The following TRIP4 variants were observed in gnomAD, a reference collection of about 807,000 sequenced individuals.
TRIP4 encodes the protein activating signal cointegrator 1.
TRIP4 carries 54 observed loss-of-function variants against 81.8 expected under a neutral mutation model. The ratio of observed to expected loss-of-function variants is 0.66; its 90% CI spans 0.53 to 0.83. The LOEUF is 0.83. TRIP4 is among the 40% of genes least tolerant of loss of function. The pLI, the probability that TRIP4 is intolerant of heterozygous loss-of-function variation, is 0.00. For synonymous variants in TRIP4, 270 were observed against 242.8 expected, an observed-to-expected ratio of 1.11 and a Z score of -1.04; for missense variants, 662 against 683.6, an observed-to-expected ratio of 0.97 and a Z score of 0.35.
At chr15:64,419,962 C>T (rs1891973751) in intron 9 of TRIP4, among the ~76,000 whole-genome samples, 1 of 150,684 alleles carries the variant, frequency 6.6e-6, no homozygotes, top group Non-Finnish European at 1.5e-5. Flanking sequence ...ATCACAGGCG[C>T]CCGCCACCAC....
chr15:64,435,403 G>A (rs985319912), intron 11 of TRIP4, among the ~76,000 whole-genome samples: 2 of 151,132 alleles, frequency 1.3e-5, no homozygotes, highest in African/African-American at 4.9e-5. Flanking sequence ...GCATGTGCCT[G>A]TAATCCCAGC....
intron 7 of TRIP4, 123 bp downstream of exon 7, chr15:64,409,951 C>A: frequency 1.1e-5 from 9 of 824,366 alleles, no homozygotes; most frequent in Non-Finnish European, 1.3e-5. Context: ...GAACAGAAAA[C>A]ATGTTAAGAA....
intron 5 of TRIP4, among the ~76,000 whole-genome samples, chr15:64,403,744 G>A (rs1481961369): frequency 6.6e-6 from 1 of 151,974 alleles, no homozygotes; most frequent in African/African-American, 2.4e-5. Context: ...CTGGATATTT[G>A]TTTCCAAATT....
intron 5 of TRIP4, among the ~76,000 whole-genome samples, chr15:64,405,714 G>A (rs1409973188): frequency 6.6e-6 from 1 of 151,912 alleles, no homozygotes; most frequent in African/African-American, 2.4e-5. Context: ...CGTATATTTA[G>A]GCTGGCATAG....
chr15:64,436,364 C>T (rs570490550), intron 11 of TRIP4, among the ~76,000 whole-genome samples: 10 of 151,350 alleles, frequency 6.6e-5, no homozygotes, highest in African/African-American at 1.7e-4. Flanking sequence ...GAGGCCGAGG[C>T]GGGCAGATCA....
intron 9 of TRIP4, among the ~76,000 whole-genome samples, chr15:64,421,314 G>A (rs1460407827): frequency 1.3e-5 from 2 of 150,024 alleles, no homozygotes; most frequent in Non-Finnish European, 1.5e-5. Flanking sequence ...ATATTTTTAC[G>A]CTACCTTTTA....
chr15:64,434,719 C>A (rs1882713489), intron 11 of TRIP4, among the ~76,000 whole-genome samples: 1 of 152,110 alleles, frequency 6.6e-6, no homozygotes, highest in Non-Finnish European at 1.5e-5. Context: ...AACAATGATG[C>A]AAGGGGCTTT....
chr15:64,412,724 T>G (rs1231084008), intron 7 of TRIP4, among the ~76,000 whole-genome samples: 1 of 152,182 alleles, frequency 6.6e-6, no homozygotes, highest in African/African-American at 2.4e-5. Context: ...CTCACAATTA[T>G]TATTGTTATC....
chr15:64,402,881 A>T lies in TRIP4; in HGVS notation c.697+2060A>T, dbSNP rs564499702. Among the ~76,000 whole-genome samples, 7 of 149,002 alleles carry T rather than the reference A, an allele frequency of 4.7e-5. No homozygotes were observed. The South Asian group carries it at 1.3e-3, about 27-fold the overall frequency. On this transcript the variant is annotated intron_variant, in intron 5 of 12. Coordinates refer to ENST00000261884, the MANE Select transcript of TRIP4 (RefSeq NM_016213.5). Reference sequence around the variant, plus strand: ...ATTTATTTAGTTAGTTAGTTTTGAGATGGAGTCTCGCTCTGTCGCCCAGGC... The same window carrying T: ...ATTTATTTAGTTAGTTAGTTTTGAGTTGGAGTCTCGCTCTGTCGCCCAGGC...
Position 64,418,758 on chromosome 15 carries a change from A to G in TRIP4, c.1358+30A>G, listed in dbSNP as rs749079029. 9.5e-6 allele frequency: 15 copies of G among 1,573,930 alleles called. No homozygotes were observed. The South Asian group carries it at 1.4e-4, about 15-fold the overall frequency. On this transcript the variant is annotated intron_variant, in intron 9 of 12. Transcript: ENST00000261884. The stretch of plus-strand genomic sequence containing the variant: ...GAATAAAAATGAATCTGGGCAGTGG[A>G]AGATCTTAGAGTGACATAAATTTAA...
intron 2 of TRIP4, 54 bp downstream of exon 2, chr15:64,394,169 AAGAATT>A (rs939934623): frequency 7.1e-7 from 1 of 1,418,280 alleles, no homozygotes; most frequent in African/African-American, 1.5e-5. Flanking sequence ...GGCAGGCTTA[AAGAATT>A]ATTATTATTA....
At chr15:64,412,557 TAAA>T (rs34137664) in intron 7 of TRIP4, among the ~76,000 whole-genome samples, 106 of 143,156 alleles carry the variant, frequency 7.4e-4, no homozygotes, top group African/African-American at 2.4e-3. Context: ...AAAGCCTCTT[TAAA>T]AAAAAAAAAA....
At chr15:64,438,960 G>A (rs1017895454) in intron 11 of TRIP4, among the ~76,000 whole-genome samples, 3 of 152,168 alleles carry the variant, frequency 2.0e-5, no homozygotes, top group African/African-American at 7.2e-5. Context: ...GATTGTCTCT[G>A]TAGCATTGAG....
chr15:64,429,545 G>A (rs183885644), intron 11 of TRIP4, among the ~76,000 whole-genome samples: 1 of 152,238 alleles, frequency 6.6e-6, no homozygotes, highest in Non-Finnish European at 1.5e-5. Context: ...CCCTTAATAT[G>A]CTAGTGTGGA....
At chr15:64,402,165 T>C (rs1891524930) in intron 5 of TRIP4, among the ~76,000 whole-genome samples, 2 of 152,130 alleles carry the variant, frequency 1.3e-5, no homozygotes, top group South Asian at 4.1e-4. Context: ...TCTACTTATT[T>C]TCTAATTATT....
chr15:64,418,166 C>T (rs1891928157), intron 8 of TRIP4, among the ~76,000 whole-genome samples: 1 of 152,134 alleles, frequency 6.6e-6, no homozygotes, highest in Non-Finnish European at 1.5e-5. Flanking sequence ...GGCTGGAGTG[C>T]AGTGGCACAA....
rs143967469 is a variant in TRIP4, at chr15:64,414,641, T to C, written c.1170+430T>C. 8.1e-3 allele frequency among the ~76,000 whole-genome samples: 1,199 copies of C among 148,882 alleles called. 15 individuals are homozygous for C. The highest frequency in any genetic ancestry group is 0.028 in the African/African-American group (1,130 of 40,854). ...AAGCTATTCTCCTGCTTCAGCCTCCTGAGTAGCTGGGACTACAGGTGCCCG... is the reference window on the plus strand; with the variant it reads ...AAGCTATTCTCCTGCTTCAGCCTCCCGAGTAGCTGGGACTACAGGTGCCCG... On this transcript the variant is annotated intron_variant, in intron 8 of 12. Coordinates refer to ENST00000261884, the MANE Select transcript of TRIP4 (RefSeq NM_016213.5).
intron 8 of TRIP4, among the ~76,000 whole-genome samples, chr15:64,417,640 T>C (rs1052540658): frequency 1.3e-5 from 2 of 152,190 alleles, no homozygotes; most frequent in Non-Finnish European, 2.9e-5. Flanking sequence ...TAATTCTCTA[T>C]TCTTTTTATA....
chr15:64,407,234 A>G (rs935622349), intron 6 of TRIP4, among the ~76,000 whole-genome samples: 1 of 152,162 alleles, frequency 6.6e-6, no homozygotes, highest in Middle Eastern at 3.2e-3. Context: ...TGCTACTTCC[A>G]AACCATTTGC....
Sources: allele counts gnomAD v4.1 joint callset (sites outside exome capture counted in the v4.1 genomes callset), GRCh38; gene constraint gnomAD v4.1.1; transcripts MANE v1.5; gene names NCBI Gene and HGNC (gene_info 2026-07-23, HGNC 2026-07-21).